Variants in C8orf88 observed in about 807,000 individuals in gnomAD.
C8orf88 encodes the protein chromosome 8 open reading frame 88.
In C8orf88, 14 loss-of-function variants were observed where a neutral mutation model predicts 18.4. That is an observed-to-expected ratio of 0.76 (90% CI 0.50 to 1.19). C8orf88 has a LOEUF of 1.19. Ranked by LOEUF, C8orf88 falls within the 50% of genes most tolerant of loss-of-function variation. The pLI is 0.00. For missense variants in C8orf88, 116 were observed against 134.7 expected (o/e 0.86, Z 0.69); for synonymous variants, 45 against 42.9 (o/e 1.05, Z -0.19).
At chr8:90,962,258 A>G (rs564816871) in intron 4 of C8orf88, among the ~76,000 whole-genome samples, 8 of 151,804 alleles carry the variant, frequency 5.3e-5, no homozygotes, top group African/African-American at 1.9e-4. Context: ...AAATATGCAA[A>G]CTCAAAGAAT....
intron 1 of C8orf88, among the ~76,000 whole-genome samples, chr8:90,982,108 G>A (rs186353465): frequency 6.6e-6 from 1 of 152,068 alleles, no homozygotes; most frequent in Admixed American, 6.5e-5. Context: ...AGATAACCCA[G>A]CAAGTACTTC....
chr8:90,985,390 C>G (rs1160986441), upstream of C8orf88: 3 of 152,066 alleles, frequency 2.0e-5, no homozygotes, highest in African/African-American at 7.2e-5. Flanking sequence ...GGGGTAGAAC[C>G]GTTAAAAGGG....
chr8:90,978,746 C>T, intron 2 of C8orf88, 94 bp from the exon 3 acceptor site: 1 of 657,550 alleles, frequency 1.5e-6, no homozygotes, highest in Non-Finnish European at 2.5e-6. Context: ...ATATTCTTGG[C>T]ACTGTTTTGA....
At chr8:90,973,757 T>C (rs1248617006) in intron 3 of C8orf88, among the ~76,000 whole-genome samples, 1 of 152,174 alleles carries the variant, frequency 6.6e-6, no homozygotes, top group African/African-American at 2.4e-5. Flanking sequence ...GTGCTAGGAC[T>C]ACAAGTGTGA....
intron 3 of C8orf88, among the ~76,000 whole-genome samples, chr8:90,977,608 A>T (rs943751210): frequency 6.6e-6 from 1 of 152,108 alleles, no homozygotes; most frequent in Non-Finnish European, 1.5e-5. Flanking sequence ...TTACAAATAT[A>T]CTTATGGTTG....
chr8:90,958,899 C>G lies in C8orf88; in HGVS notation c.*108G>C. On this transcript the variant is annotated 3_prime_UTR_variant, in exon 6 of 6. Transcript: ENST00000517562. ...ATTTTTAGAGAAGTCAAATAGCCAA[C>G]CATCAAAATTAAGAATAAATTGAAT... is the stretch of plus-strand genomic sequence containing the variant. 1 of 639,024 alleles carries G rather than the reference C, an allele frequency of 1.6e-6. No individual in the cohort carries two copies. The highest frequency in any genetic ancestry group is 2.6e-6 in the Non-Finnish European group (1 of 391,532). 39.6% of individuals were successfully genotyped at this position (639,024 alleles called of 1,614,324 possible).
chr8:90,962,866 T>C (rs770546555), intron 4 of C8orf88, among the ~76,000 whole-genome samples: 28 of 151,212 alleles, frequency 1.9e-4, no homozygotes, highest in African/African-American at 4.6e-4. Flanking sequence ...GGGATAACAA[T>C]TGGAGCAAAC....
intron 1 of C8orf88, among the ~76,000 whole-genome samples, chr8:90,982,794 GAAAC>G (rs1811452360): frequency 6.6e-6 from 1 of 151,908 alleles, no homozygotes; most frequent in African/African-American, 2.4e-5. Flanking sequence ...TGCCTGCAGG[GAAAC>G]ACTGACATTA....
chr8:90,974,153 A>G (rs1176480960), intron 3 of C8orf88, among the ~76,000 whole-genome samples: 1 of 152,138 alleles, frequency 6.6e-6, no homozygotes, highest in Non-Finnish European at 1.5e-5. Context: ...TCTTCTCATC[A>G]CGAGGTACAC....
At chr8:90,969,857 CA>C (rs1351844430) in intron 4 of C8orf88, among the ~76,000 whole-genome samples, 1 of 151,352 alleles carries the variant, frequency 6.6e-6, no homozygotes, top group African/African-American at 2.4e-5. Context: ...AAGATAATAA[CA>C]AAAGTCCACT....
chr8:90,982,943 T>C (rs575969514), intron 1 of C8orf88, among the ~76,000 whole-genome samples: 10 of 152,248 alleles, frequency 6.6e-5, no homozygotes, highest in African/African-American at 2.4e-4. Flanking sequence ...CAGAACTCCA[T>C]AAACCAAAAC....
At chr8:90,977,845 G>A (rs1182082512) in intron 3 of C8orf88, among the ~76,000 whole-genome samples, 1 of 152,162 alleles carries the variant, frequency 6.6e-6, no homozygotes, top group Non-Finnish European at 1.5e-5. Flanking sequence ...TACTCGGGAG[G>A]CTGAAGCAGG....
In C8orf88 at chr8:90,980,402, G is replaced by A. The variant is rs1252314810; in HGVS notation, c.34C>T (p.Gln12Ter). 2.6e-6 allele frequency: 4 copies of A among 1,533,770 alleles called. No individual in the cohort carries two copies. The highest frequency in any genetic ancestry group is 2.6e-6 in the Non-Finnish European group (3 of 1,146,010). The change falls in exon 2 of 6, where the codon CAA becomes TAA. Residue 12 changes from glutamine (Q) to a stop codon, truncating the protein, a stop_gained. Transcript: ENST00000517562. LOFTEE classifies it high-confidence loss of function. The stretch of plus-strand genomic sequence containing the variant: ...AGATGACGAACAGGTCTTGCTGGTT[G>A]AAGCGGTTTACCAATTAATTTTTTG... ...ETKKLIGKPL[Q>*]PARPVRHLTS...
intron 2 of C8orf88, among the ~76,000 whole-genome samples, chr8:90,979,617 A>C (rs142380060): frequency 1.3e-3 from 193 of 152,342 alleles, no homozygotes; most frequent in Non-Finnish European, 2.2e-3. Flanking sequence ...TAAACTCAAC[A>C]AAGTATCTAT....
chr8:90,984,183 G>A (rs764898165), intron 1 of C8orf88, among the ~76,000 whole-genome samples: 3 of 152,064 alleles, frequency 2.0e-5, no homozygotes, highest in Non-Finnish European at 2.9e-5. Flanking sequence ...TACCGCTGCC[G>A]TTGAGAAATA....
chr8:90,968,675 T>TATATATATAA, intron 4 of C8orf88, among the ~76,000 whole-genome samples: 1 of 134,346 alleles, frequency 7.4e-6, no homozygotes, highest in Non-Finnish European at 1.6e-5. Flanking sequence ...TATATATATA[T>TATATATATAA]ATATATATAT....
At chr8:90,984,926 C>A (rs373052749) in intron 1 of C8orf88, among the ~76,000 whole-genome samples, 188 bp downstream of exon 1, 1 of 152,164 alleles carries the variant, frequency 6.6e-6, no homozygotes, top group African/African-American at 2.4e-5. Context: ...CGCTCCCATC[C>A]CACTCCCATT....
intron 4 of C8orf88, among the ~76,000 whole-genome samples, chr8:90,964,188 A>C (rs890051389): frequency 6.6e-6 from 1 of 151,668 alleles, no homozygotes; most frequent in African/African-American, 2.4e-5. Flanking sequence ...TAAATTAAGG[A>C]GCATCTATCT....
chr8:90,970,404 T>C (rs1811266631), intron 4 of C8orf88, among the ~76,000 whole-genome samples: 1 of 152,162 alleles, frequency 6.6e-6, no homozygotes, highest in South Asian at 2.1e-4. Flanking sequence ...TTAAACTACA[T>C]ACATTAATTG....
Sources: allele counts gnomAD v4.1 joint callset (sites outside exome capture counted in the v4.1 genomes callset), GRCh38; gene constraint gnomAD v4.1.1; transcripts MANE v1.5; gene names NCBI Gene and HGNC (gene_info 2026-07-23, HGNC 2026-07-21).